Variants in DIP2B observed in about 807,000 individuals in gnomAD.
The protein encoded by DIP2B is disco-interacting protein 2 homolog B.
A neutral mutation model predicts 198.0 loss-of-function variants in DIP2B; 76 were observed. The ratio of observed to expected loss-of-function variants is 0.38; its 90% CI spans 0.32 to 0.46. The LOEUF (loss-of-function observed/expected upper bound fraction) is 0.46, where lower values mean the gene tolerates loss of function less well. Among genes scored for constraint, DIP2B ranks in the 20% least tolerant of loss-of-function variants. DIP2B has a pLI of 0.99. For synonymous variants in DIP2B, 701 were observed against 739.1 expected, an observed-to-expected ratio of 0.95 and a Z score of 0.84; for missense variants, 1,559 against 1,978.4, an observed-to-expected ratio of 0.79 and a Z score of 4.02.
At chr12:50,686,766 G>A (rs1939138049) in intron 12 of DIP2B, 84 bp downstream of exon 12, 1 of 1,316,512 alleles carries the variant, frequency 7.6e-7, no homozygotes, top group African/African-American at 1.5e-5. Context: ...CTGAATTTTT[G>A]CAACGTTAAT....
chr12:50,553,592 A>G (rs1958445252), intron 1 of DIP2B, among the ~76,000 whole-genome samples: 1 of 152,202 alleles, frequency 6.6e-6, no homozygotes. Context: ...TCTGACGGCC[A>G]ATATAAAGTA....
At chr12:50,626,157 C>A in intron 2 of DIP2B, 110 bp downstream of exon 2, 2 of 1,101,716 alleles carry the variant, frequency 1.8e-6, no homozygotes, top group African/African-American at 1.6e-5. Context: ...CCTTCCTCAC[C>A]AGGGGAGAGA....
chr12:50,581,365 C>T lies in DIP2B; in HGVS notation c.101-44611C>T, dbSNP rs958690823. ...TTGTGGCTCTCAGAAATAATATCCA[C>T]CCTCCTGGGCAACCAGTTCTGTCAG... On this transcript the variant is annotated intron_variant, in intron 1 of 37. Transcript: ENST00000301180. Among the ~76,000 whole-genome samples, 2 of 149,358 alleles carry T rather than the reference C, an allele frequency of 1.3e-5. 1 individual carries two copies. The highest frequency in any genetic ancestry group is 4.9e-5 in the African/African-American group (2 of 40,796).
chr12:50,671,743 A>AT (rs765879716), intron 5 of DIP2B, among the ~76,000 whole-genome samples: 7 of 152,192 alleles, frequency 4.6e-5, no homozygotes, highest in Non-Finnish European at 8.8e-5. Context: ...AACATCTTAG[A>AT]TTTTTCCCAG....
chr12:50,732,613 A>G, intron 32 of DIP2B, 77 bp downstream of exon 32: 1 of 1,565,488 alleles, frequency 6.4e-7, no homozygotes, highest in Non-Finnish European at 8.7e-7. Context: ...CTTTGGAGCC[A>G]GGCTGCCTGG....
intron 1 of DIP2B, among the ~76,000 whole-genome samples, chr12:50,527,190 T>C (rs1958174506): frequency 6.6e-6 from 1 of 152,202 alleles, no homozygotes; most frequent in Non-Finnish European, 1.5e-5. Context: ...ATATGGCAAA[T>C]ATTGGTTTTG....
chr12:50,633,601 C>CA (rs1453826715), intron 2 of DIP2B, among the ~76,000 whole-genome samples: 2 of 151,896 alleles, frequency 1.3e-5, no homozygotes, highest in Non-Finnish European at 2.9e-5. Flanking sequence ...CTCATCTCTA[C>CA]AAAAAAATCA....
intron 13 of DIP2B, among the ~76,000 whole-genome samples, chr12:50,691,972 G>A (rs1939229879): frequency 6.6e-6 from 1 of 151,992 alleles, no homozygotes; most frequent in Non-Finnish European, 1.5e-5. Flanking sequence ...GGCTGAGGCG[G>A]GAGAATCACT....
intron 19 of DIP2B, among the ~76,000 whole-genome samples, chr12:50,699,696 A>G (rs1330865570): frequency 6.6e-6 from 1 of 152,024 alleles, no homozygotes; most frequent in Non-Finnish European, 1.5e-5. Flanking sequence ...TCCCATCTCT[A>G]CCAAAAAATT....
rs752071579 is a variant in DIP2B at position 50,675,399 on chromosome 12, G to A, written c.867G>A (p.Arg289=). ...TGAACACTCTGAAACGACCCAAAAG[G>A]CCTCCCTTAAAGGAATTTTTTGTGG... ...QLLNTLKRPK[R]PPLKEFFVDD... is the part of the protein sequence containing the mutation. Residue 289 remains arginine (R), a synonymous_variant, in exon 7 of 38, where the codon AGG becomes AGA. Coordinates refer to ENST00000301180, the MANE Select transcript of DIP2B (RefSeq NM_173602.3). The A allele has an allele frequency of 4.3e-5, 69 of 1,613,748 alleles. No individual in the cohort carries two copies. Among genetic ancestry groups the A allele is most frequent in the Non-Finnish European group, 5.8e-5 (68 of 1,179,862 alleles).
intron 3 of DIP2B, among the ~76,000 whole-genome samples, chr12:50,655,209 G>A (rs1938533950): frequency 6.6e-6 from 1 of 152,190 alleles, no homozygotes; most frequent in African/African-American, 2.4e-5. Context: ...AGAGCTGAAA[G>A]AGAATGATTT....
In DIP2B at chr12:50,682,708, T is replaced by A. The variant is rs750403164; in HGVS notation, c.1207-430T>A. Among the ~76,000 whole-genome samples, 65 of 151,962 alleles carry A rather than the reference T, an allele frequency of 4.3e-4. 1 individual carries two copies. The highest frequency in any genetic ancestry group is 7.1e-4 in the Non-Finnish European group (48 of 67,978). On this transcript the variant is annotated intron_variant, in intron 9 of 37. Transcript: ENST00000301180. ...TGGTGATCAAGTCAGTCTACAGTTG[T>A]AGGCTCTCTCTGAGAGATGTAAGGC... is the stretch of plus-strand genomic sequence containing the variant.
Position 50,678,679 on chromosome 12 carries a change from T to C in DIP2B, c.917T>C (p.Val306Ala). 1 of 1,613,662 alleles carries C rather than the reference T, an allele frequency of 6.2e-7. No homozygotes were observed. The highest frequency in any genetic ancestry group is 8.5e-7 in the Non-Finnish European group (1 of 1,179,744). The change falls in exon 8 of 38, where the codon GTA becomes GCA. Residue 306 changes from valine (V) to alanine (A), a missense_variant and splice_region_variant. Coordinates refer to ENST00000301180, the MANE Select transcript of DIP2B (RefSeq NM_173602.3). ...ACTCATTGGGATTTTCCTGGTACAG[T>C]ACCTCAGCCAGACCCCAACCAGCCC... ...FVDDSEEIVE[V>A]PQPDPNQPKP...
chr12:50,511,533 T>G, intron 1 of DIP2B, among the ~76,000 whole-genome samples: 1 of 151,940 alleles, frequency 6.6e-6, no homozygotes, highest in Non-Finnish European at 1.5e-5. Flanking sequence ...CCTCAAATGA[T>G]CCACCTGCCT....
intron 3 of DIP2B, among the ~76,000 whole-genome samples, chr12:50,644,306 C>T (rs1046978478): frequency 1.3e-5 from 2 of 152,152 alleles, no homozygotes; most frequent in African/African-American, 4.8e-5. Context: ...AAATTAATGC[C>T]TGAGATGGAA....
intron 35 of DIP2B, 52 bp downstream of exon 35, chr12:50,737,162 AG>A: frequency 1.3e-6 from 2 of 1,528,166 alleles, no homozygotes. Flanking sequence ...AAAAATCTCT[AG>A]GGTTCACATT....
intron 1 of DIP2B, among the ~76,000 whole-genome samples, chr12:50,585,832 A>T (rs1958765444): frequency 6.6e-6 from 1 of 152,248 alleles, no homozygotes; most frequent in Non-Finnish European, 1.5e-5. Context: ...ACTTGCAGTC[A>T]TCTAAGAGGA....
In DIP2B at chr12:50,739,598, A is replaced by G. The variant is rs373522536; in HGVS notation, c.4354+12A>G. 9 of 1,612,408 alleles carry G rather than the reference A, an allele frequency of 5.6e-6. No individual in the cohort carries two copies. The African/African-American group carries it at 9.3e-5, about 17-fold the overall frequency. ...AGCGGCCACTGGAGGTACTTCTGCA[A>G]CAACTCCCCATTGACCCTGCTTTGT... On this transcript the variant is annotated intron_variant, in intron 36 of 37. Coordinates refer to ENST00000301180, the MANE Select transcript of DIP2B (RefSeq NM_173602.3).
At chr12:50,735,049 A>ATG in intron 33 of DIP2B, 24 bp from the exon 34 acceptor site, 1 of 1,613,732 alleles carries the variant, frequency 6.2e-7, no homozygotes, top group Non-Finnish European at 8.5e-7. Context: ...AGCCCTATAT[A>ATG]TAGTAAATAC....
Sources: gnomAD v4.1 joint callset for allele counts (sites outside exome capture counted in the v4.1 genomes callset) on GRCh38, gnomAD v4.1.1 for gene constraint, MANE v1.5 for transcripts, NCBI Gene and HGNC (gene_info 2026-07-23, HGNC 2026-07-21) for gene names.